Variants in AGMO observed in about 807,000 individuals in gnomAD.
The protein encoded by AGMO is glyceryl-ether monooxygenase.
AGMO carries 75 observed loss-of-function variants against 60.2 expected under a neutral mutation model. The ratio of observed to expected loss-of-function variants is 1.25; its 90% CI spans 1.03 to 1.51. The LOEUF is 1.51. AGMO is among the 40% of genes most tolerant of loss of function. The probability of loss-of-function intolerance (pLI) is 0.00; values close to 1 mark genes in which losing one functional copy is unlikely to be tolerated. For missense variants in AGMO, 763 were observed against 525.5 expected, an observed-to-expected ratio of 1.45 and a Z score of -4.42; for synonymous variants, 261 against 177.1, an observed-to-expected ratio of 1.47 and a Z score of -3.76.
the AGMO span, among the ~76,000 whole-genome samples, chr7:15,143,444 T>C: frequency 6.6e-6 from 1 of 152,158 alleles, no homozygotes; most frequent in Admixed American, 6.5e-5. Context: ...CCCTTTACCA[T>C]AAACATGGCA....
At chr7:15,196,651 C>G (rs150037500), downstream of AGMO, among the ~76,000 whole-genome samples, 33 of 152,228 alleles carry the variant, frequency 2.2e-4, no homozygotes, top group African/African-American at 7.9e-4. Context: ...TTCAGTGTTC[C>G]CAACAGTCAT....
chr7:15,276,464 A>AT (rs1013786062), intron 12 of AGMO, among the ~76,000 whole-genome samples: 2 of 151,486 alleles, frequency 1.3e-5, no homozygotes, highest in South Asian at 2.1e-4. Flanking sequence ...TGCTTTTAAG[A>AT]TTTTTTTTCT....
chr7:15,454,863 C>T (rs1480560987), intron 3 of AGMO, among the ~76,000 whole-genome samples: 1 of 151,968 alleles, frequency 6.6e-6, no homozygotes, highest in Non-Finnish European at 1.5e-5. Flanking sequence ...AAACAGCAAA[C>T]CTTGACCCAA....
intron 12 of AGMO, among the ~76,000 whole-genome samples, chr7:15,321,046 G>T (rs760545820): frequency 6.6e-6 from 1 of 152,092 alleles, no homozygotes; most frequent in Non-Finnish European, 1.5e-5. Context: ...ACTTTTGAGA[G>T]GACTATTTCA....
At chr7:15,460,546 T>C (rs537396035) in intron 3 of AGMO, among the ~76,000 whole-genome samples, 59 of 152,148 alleles carry the variant, frequency 3.9e-4, no homozygotes, top group Non-Finnish European at 7.5e-4. Flanking sequence ...TTATACTTGC[T>C]TTTCAGAAAT....
chr7:15,382,910 G>A (rs1243114681), intron 10 of AGMO, among the ~76,000 whole-genome samples: 4 of 151,868 alleles, frequency 2.6e-5, no homozygotes, highest in Non-Finnish European at 4.4e-5. Flanking sequence ...GTATTTATGT[G>A]TGATAACATC....
intron 10 of AGMO, among the ~76,000 whole-genome samples, chr7:15,382,805 T>C (rs1329584552): frequency 2.6e-5 from 4 of 152,192 alleles, no homozygotes; most frequent in Non-Finnish European, 5.9e-5. Context: ...CTACCATAGA[T>C]ATCTTAATTA....
At chr7:15,512,468 G>A (rs551027894) in intron 3 of AGMO, among the ~76,000 whole-genome samples, 2 of 152,052 alleles carry the variant, frequency 1.3e-5, no homozygotes, top group Non-Finnish European at 2.9e-5. Context: ...GCCCAGGCTG[G>A]TCTCGAACTC....
At chr7:15,272,924 T>C (rs528420316) in intron 12 of AGMO, among the ~76,000 whole-genome samples, 4 of 152,344 alleles carry the variant, frequency 2.6e-5, no homozygotes, top group Admixed American at 2.6e-4. Context: ...GTTGGCTGCA[T>C]AAATGTCTTC....
intron 12 of AGMO, among the ~76,000 whole-genome samples, chr7:15,347,613 C>T (rs1270757641): frequency 8.5e-6 from 1 of 118,046 alleles, no homozygotes; most frequent in African/African-American, 3.7e-5. Flanking sequence ...CACTGATTTC[C>T]CAAAAAAAAT....
At chr7:15,392,715 C>G (rs968865174) in intron 6 of AGMO, among the ~76,000 whole-genome samples, 3 of 152,086 alleles carry the variant, frequency 2.0e-5, no homozygotes, top group Non-Finnish European at 4.4e-5. Context: ...AGAAGAATCA[C>G]TTGAACCCGG....
the AGMO span, among the ~76,000 whole-genome samples, chr7:15,144,573 C>T: frequency 2.6e-5 from 4 of 152,250 alleles, no homozygotes; most frequent in South Asian, 4.1e-4. Flanking sequence ...CTTAAGTATG[C>T]GCATGCACGT....
chr7:15,182,261 G>T, the AGMO span, among the ~76,000 whole-genome samples: 3 of 152,072 alleles, frequency 2.0e-5, no homozygotes, highest in East Asian at 5.8e-4. Context: ...AAATGGGAAA[G>T]TTCTGCAGAT....
the AGMO span, among the ~76,000 whole-genome samples, chr7:15,191,987 A>ACG: frequency 6.6e-6 from 1 of 151,722 alleles, no homozygotes; most frequent in South Asian, 2.1e-4. Context: ...ACACACACAC[A>ACG]CACACACACA....
intron 3 of AGMO, among the ~76,000 whole-genome samples, chr7:15,524,920 C>A (rs990070056): frequency 2.0e-5 from 3 of 150,122 alleles, no homozygotes; most frequent in African/African-American, 7.3e-5. Flanking sequence ...TTCACACACA[C>A]AAATAATATA....
chr7:15,399,248 A>C (rs899122049), intron 5 of AGMO, among the ~76,000 whole-genome samples: 2 of 152,168 alleles, frequency 1.3e-5, no homozygotes, highest in Non-Finnish European at 2.9e-5. Flanking sequence ...CTGAAGTTTT[A>C]GATGAAATTT....
At chr7:15,364,218 C>G (rs1782875788) in intron 12 of AGMO, among the ~76,000 whole-genome samples, 1 of 151,740 alleles carries the variant, frequency 6.6e-6, no homozygotes, top group Non-Finnish European at 1.5e-5. Flanking sequence ...CTGCTTCTTC[C>G]TTTCTTCTAA....
At chr7:15,362,592 G>T (rs142885793) in intron 12 of AGMO, among the ~76,000 whole-genome samples, 1 of 152,090 alleles carries the variant, frequency 6.6e-6, no homozygotes, top group Non-Finnish European at 1.5e-5. Context: ...AATTCCAGTG[G>T]CAAGTCCCAG....
chr7:15,243,588 G>C (rs1037350196), intron 12 of AGMO, among the ~76,000 whole-genome samples: 4 of 152,060 alleles, frequency 2.6e-5, no homozygotes, highest in African/African-American at 9.7e-5. Context: ...AAAGACAGAA[G>C]TTACACAGTG....
Sources: allele counts gnomAD v4.1 joint callset (sites outside exome capture counted in the v4.1 genomes callset), GRCh38; gene constraint gnomAD v4.1.1; transcripts MANE v1.5; gene names NCBI Gene and HGNC (gene_info 2026-07-23, HGNC 2026-07-21).